The following STAG1 variants were observed in gnomAD, a reference collection of about 807,000 sequenced individuals.
The protein encoded by STAG1 is STAG1 cohesin complex component, also known as cohesin subunit SA-1.
In STAG1, 26 loss-of-function variants were observed where a neutral mutation model predicts 170.9. The observed-to-expected ratio is 0.15, with a 90% CI of 0.11 to 0.21. STAG1 has a LOEUF of 0.21. Among genes scored for constraint, STAG1 ranks in the 10% least tolerant of loss-of-function variants. The pLI is 1.00. For synonymous variants in STAG1, 514 were observed against 497.7 expected (o/e 1.03, Z -0.44); for missense variants, 964 against 1,509.5 (o/e 0.64, Z 5.99).
chr3:136,663,855 T>C (rs927477280), intron 1 of STAG1, among the ~76,000 whole-genome samples: 2 of 151,906 alleles, frequency 1.3e-5, no homozygotes, highest in Non-Finnish European at 2.9e-5. Context: ...CTAGAAAATA[T>C]AAAACAACCG....
intron 22 of STAG1, among the ~76,000 whole-genome samples, chr3:136,391,132 T>C (rs533904651): frequency 7.4e-4 from 112 of 152,222 alleles, no homozygotes; most frequent in Non-Finnish European, 1.4e-3. Flanking sequence ...ACCTAGGGTA[T>C]ATTGACTTTC....
At chr3:136,580,257 G>A (rs1484035536) in intron 4 of STAG1, among the ~76,000 whole-genome samples, 2 of 151,758 alleles carry the variant, frequency 1.3e-5, no homozygotes, top group Admixed American at 6.6e-5. Context: ...ATGAGCCACC[G>A]CGCCCGGCTC....
chr3:136,502,271 A>G (rs1003348675), intron 8 of STAG1, among the ~76,000 whole-genome samples: 1 of 152,170 alleles, frequency 6.6e-6, no homozygotes, highest in Non-Finnish European at 1.5e-5. Context: ...AGTGCCTTAT[A>G]TACCAGCTAG....
chr3:136,400,303 C>A (rs1357381511), intron 21 of STAG1, among the ~76,000 whole-genome samples: 2 of 152,128 alleles, frequency 1.3e-5, no homozygotes, highest in Admixed American at 6.6e-5. Context: ...TCTCGGCTCA[C>A]TGCAAACTCC....
chr3:136,719,449 AT>A (rs1933076532), intron 1 of STAG1, among the ~76,000 whole-genome samples: 1 of 152,048 alleles, frequency 6.6e-6, no homozygotes, highest in Non-Finnish European at 1.5e-5. Context: ...AGTTTTCCAA[AT>A]TAACTAAACA....
intron 5 of STAG1, among the ~76,000 whole-genome samples, chr3:136,564,816 C>A (rs1436165441): frequency 6.6e-6 from 1 of 151,812 alleles, no homozygotes; most frequent in Admixed American, 6.6e-5. Context: ...AACCCATACA[C>A]AAAAATTAAC....
At position 136,710,970 on chromosome 3, in the gene STAG1, A is replaced by T. The variant is rs973734398; in HGVS notation, c.-84+41225T>A. Among the ~76,000 whole-genome samples the T allele has an allele frequency of 2.1e-3, 322 of 152,066 alleles. 2 individuals are homozygous for T. Among genetic ancestry groups the T allele is most frequent in the Non-Finnish European group, 1.5e-3 (101 of 67,996 alleles). ...ATGCTTTAGACAATGACTTAAACCT[A>T]TTATAGAATATAATTTTTCACAAAA... On this transcript the variant is annotated intron_variant, in intron 1 of 33. Transcript: ENST00000383202.
chr3:136,360,142 A>C (rs1936804832), intron 26 of STAG1, among the ~76,000 whole-genome samples: 1 of 152,192 alleles, frequency 6.6e-6, no homozygotes, highest in South Asian at 2.1e-4. Flanking sequence ...ATATACAAGC[A>C]ATTATCATTC....
chr3:136,729,030 A>G (rs1360148651), intron 1 of STAG1, among the ~76,000 whole-genome samples: 1 of 152,096 alleles, frequency 6.6e-6, no homozygotes, highest in East Asian at 1.9e-4. Flanking sequence ...TGCCCAGGCG[A>G]GAGTGAAAGG....
intron 9 of STAG1, among the ~76,000 whole-genome samples, chr3:136,493,805 AG>A (rs2090165805): frequency 6.6e-6 from 1 of 152,176 alleles, no homozygotes; most frequent in African/African-American, 2.4e-5. Flanking sequence ...GAAAGACAAA[AG>A]AGAAGACACA....
intron 1 of STAG1, among the ~76,000 whole-genome samples, chr3:136,674,211 GA>G (rs1942067965): frequency 7.1e-6 from 1 of 141,178 alleles, no homozygotes; most frequent in South Asian, 2.4e-4. Flanking sequence ...AGGAGGGAGG[GA>G]TTAATTCAAA....
chr3:136,569,714 A>G (rs1434694454), intron 4 of STAG1, among the ~76,000 whole-genome samples: 1 of 152,120 alleles, frequency 6.6e-6, no homozygotes, highest in African/African-American at 2.4e-5. Flanking sequence ...GACAAGATAA[A>G]TATACAAAAT....
At chr3:136,611,461 A>T (rs1939272403) in intron 3 of STAG1, among the ~76,000 whole-genome samples, 1 of 151,270 alleles carries the variant, frequency 6.6e-6, no homozygotes, top group Non-Finnish European at 1.5e-5. Context: ...AATATTTTTA[A>T]TAATTTTGTG....
intron 15 of STAG1, among the ~76,000 whole-genome samples, chr3:136,437,848 C>T (rs948261618): frequency 5.3e-5 from 8 of 152,138 alleles, no homozygotes; most frequent in South Asian, 2.1e-4. Context: ...GGGCTCTTTC[C>T]CTCTTTATAA....
intron 4 of STAG1, among the ~76,000 whole-genome samples, chr3:136,592,108 C>T (rs980921691): frequency 1.3e-5 from 2 of 152,104 alleles, no homozygotes; most frequent in Non-Finnish European, 2.9e-5. Flanking sequence ...TGCCTTGGAC[C>T]GAGAATTAAG....
intron 22 of STAG1, among the ~76,000 whole-genome samples, chr3:136,390,953 C>T (rs1280590791): frequency 6.6e-6 from 1 of 152,202 alleles, no homozygotes; most frequent in Non-Finnish European, 1.5e-5. Context: ...AACATGTCTT[C>T]TCATGGGGCT....
At chr3:136,555,588 T>C (rs936853157) in intron 5 of STAG1, among the ~76,000 whole-genome samples, 1 of 151,834 alleles carries the variant, frequency 6.6e-6, no homozygotes, top group South Asian at 2.1e-4. Context: ...GAGGCTGAGG[T>C]AGTAGAATCC....
Position 136,369,180 on chromosome 3 carries a change from G to C in STAG1, c.2473C>G (p.Leu825Val). Residue 825 changes from leucine to valine, a missense_variant, in exon 24 of 34, where the codon CTC becomes GTC. This residue lies in a region of STAG1 where 149 missense variants were observed against 301.3 expected (regional missense o/e 0.49). Coordinates refer to ENST00000383202, the MANE Select transcript of STAG1 (RefSeq NM_005862.3). ...QPLVFNPDTG[L>V]QSELLSFVMD... ...ACAAAACTGAGGAGTTCAGATTGGAGTCCAGTATCTGGATTGAACACCAAA... is the reference window on the plus strand; with the variant it reads ...ACAAAACTGAGGAGTTCAGATTGGACTCCAGTATCTGGATTGAACACCAAA... 1.2e-6 allele frequency: 2 copies of C among 1,603,834 alleles called. No individual in the cohort carries two copies. The highest frequency in any genetic ancestry group is 1.7e-6 in the Non-Finnish European group (2 of 1,177,206).
At chr3:136,520,235 C>T (rs711974) in intron 7 of STAG1, among the ~76,000 whole-genome samples, 261 of 152,188 alleles carry the variant, frequency 1.7e-3, no homozygotes, top group Middle Eastern at 0.014. Flanking sequence ...CTTGCCCAGC[C>T]ATCTGTTTGA....
Sources: gnomAD v4.1 joint callset for allele counts (sites outside exome capture counted in the v4.1 genomes callset) on GRCh38, gnomAD v4.1.1 for gene constraint, gnomAD v4.1.1 regional missense constraint, MANE v1.5 for transcripts, NCBI Gene and HGNC (gene_info 2026-07-23, HGNC 2026-07-21) for gene names.